The following PTGER3 variants were observed in gnomAD, a reference collection of about 807,000 sequenced individuals.
PTGER3 encodes prostaglandin E receptor 3.
Under a neutral mutation model 34.7 loss-of-function variants are expected in PTGER3, and 22 were observed. The observed-to-expected ratio is 0.63, with a 90% CI of 0.45 to 0.91. The LOEUF is 0.91. PTGER3 is among the 40% of genes least tolerant of loss of function. The probability of loss-of-function intolerance (pLI) is 0.00; values close to 1 mark genes in which losing one functional copy is unlikely to be tolerated. For synonymous variants in PTGER3, 241 were observed against 230.1 expected (o/e 1.05, Z -0.43); for missense variants, 468 against 519.4 (o/e 0.90, Z 0.96).
rs758250767 is a variant in PTGER3 at position 70,952,952 on chromosome 1, G to C, written c.1212C>G (p.Ser404Arg). 1 of 1,613,026 alleles carries C rather than the reference G, an allele frequency of 6.2e-7. No homozygotes were observed. Among genetic ancestry groups the C allele is most frequent in the Non-Finnish European group, 8.5e-7 (1 of 1,179,360 alleles). Residue 404 changes from serine (S) to arginine (R), a missense_variant, in exon 4 of 4, where the codon AGC becomes AGG. Transcript: ENST00000356595. ...AGATTCTGGTGTACACATTAATGCT[G>C]CTCACGAGTACCTCCATTTCTTCTC...
chr1:70,947,632 C>T (rs1305120069), downstream of PTGER3, among the ~76,000 whole-genome samples: 1 of 151,994 alleles, frequency 6.6e-6, no homozygotes, highest in Non-Finnish European at 1.5e-5. Flanking sequence ...AAAAATAATT[C>T]GAATTAACCT....
At position 71,021,216 on chromosome 1, in the gene PTGER3, G is replaced by A. The variant is rs563404322; in HGVS notation, c.898-8732C>T. Among the ~76,000 whole-genome samples, 3 of 152,050 alleles carry A rather than the reference G, an allele frequency of 2.0e-5. No homozygotes were observed. The South Asian group carries it at 6.2e-4, about 31-fold the overall frequency. On this transcript the variant is annotated intron_variant, in intron 1 of 3. Coordinates refer to ENST00000306666, the MANE Select transcript of PTGER3 (RefSeq NM_198719.2). ...AATGCAGAATCATTATTCAGTTACT[G>A]GATATGGAAAATCAAAATTATAAAG...
chr1:70,925,008 T>A (rs1192340674), intron 4 of PTGER3, among the ~76,000 whole-genome samples: 1 of 152,174 alleles, frequency 6.6e-6, no homozygotes, highest in East Asian at 1.9e-4. Context: ...AGTGTTAACA[T>A]GATTGGATTG....
chr1:71,015,381 T>C (rs1043132324), intron 1 of PTGER3, among the ~76,000 whole-genome samples: 7 of 152,244 alleles, frequency 4.6e-5, no homozygotes, highest in Non-Finnish European at 1.0e-4. Flanking sequence ...CCAAGGTTAC[T>C]GAACTTGACT....
intron 2 of PTGER3, among the ~76,000 whole-genome samples, chr1:70,977,105 T>G (rs1210570892): frequency 6.6e-6 from 1 of 152,174 alleles, no homozygotes; most frequent in Non-Finnish European, 1.5e-5. Flanking sequence ...GCTATTTAAC[T>G]GCGTATTTGG....
At chr1:71,041,029 T>C (rs1660268905) in intron 1 of PTGER3, among the ~76,000 whole-genome samples, 1 of 152,182 alleles carries the variant, frequency 6.6e-6, no homozygotes, top group South Asian at 2.1e-4. Flanking sequence ...CCATGTTGTA[T>C]GTATCTCAGT....
At chr1:70,914,299 T>C (rs1028058879) in intron 4 of PTGER3, among the ~76,000 whole-genome samples, 19 of 151,838 alleles carry the variant, frequency 1.3e-4, no homozygotes, top group Non-Finnish European at 8.8e-5. Flanking sequence ...AGTTGATATC[T>C]AGTCATGAAA....
intron 2 of PTGER3, among the ~76,000 whole-genome samples, chr1:70,960,362 A>G (rs181009452): frequency 6.6e-6 from 1 of 152,288 alleles, no homozygotes; most frequent in East Asian, 1.9e-4. Flanking sequence ...TTGAGTGGGA[A>G]TATTTGCATA....
At chr1:70,872,819 A>G (rs1280786537) in intron 4 of PTGER3, among the ~76,000 whole-genome samples, 1 of 152,226 alleles carries the variant, frequency 6.6e-6, no homozygotes, top group Non-Finnish European at 1.5e-5. Flanking sequence ...AAAGTTAGTT[A>G]TAGGGAGTGC....
chr1:70,873,500 G>A (rs1646206471), intron 4 of PTGER3, among the ~76,000 whole-genome samples: 1 of 152,124 alleles, frequency 6.6e-6, no homozygotes, highest in South Asian at 2.1e-4. Flanking sequence ...TGTGTACTCT[G>A]ACATTCTTAC....
At chr1:70,885,427 A>G (rs1646477797) in intron 4 of PTGER3, among the ~76,000 whole-genome samples, 2 of 152,204 alleles carry the variant, frequency 1.3e-5, no homozygotes, top group South Asian at 4.1e-4. Context: ...ATAATATACC[A>G]TTTCTGTTCC....
At chr1:70,948,865 C>T (rs1371077202), downstream of PTGER3, among the ~76,000 whole-genome samples, 1 of 152,160 alleles carries the variant, frequency 6.6e-6, no homozygotes, top group South Asian at 2.1e-4. Flanking sequence ...CAACCCTACT[C>T]TCTCTGTGGA....
chr1:70,966,334 C>T (rs1226527599), downstream of PTGER3, among the ~76,000 whole-genome samples: 1 of 152,102 alleles, frequency 6.6e-6, no homozygotes, highest in Non-Finnish European at 1.5e-5. Context: ...TCTCACAAAT[C>T]ACCACTAAAG....
At chr1:70,925,223 T>A (rs1647944204) in intron 4 of PTGER3, among the ~76,000 whole-genome samples, 1 of 152,328 alleles carries the variant, frequency 6.6e-6, no homozygotes, top group Admixed American at 6.5e-5. Flanking sequence ...CAGTCTGGTC[T>A]TGAACTCCTG....
rs570969389 is a variant in PTGER3 at position 71,000,522 on chromosome 1, C to A, written c.1077+11783G>T. Reference sequence around the variant, plus strand: ...CTTAACATCCTTTACTATTAAGAAGCTCATTTTAAAGCAGATGTGGTCAAA... The same window carrying A: ...CTTAACATCCTTTACTATTAAGAAGATCATTTTAAAGCAGATGTGGTCAAA... On this transcript the variant is annotated intron_variant, in intron 2 of 3. Coordinates refer to ENST00000306666, the MANE Select transcript of PTGER3 (RefSeq NM_198719.2). 3.9e-5 allele frequency among the ~76,000 whole-genome samples: 6 copies of A among 152,206 alleles called. No homozygotes were observed. The East Asian group carries it at 1.2e-3, about 29-fold the overall frequency.
At chr1:70,926,244 C>A (rs528361034) in intron 4 of PTGER3, among the ~76,000 whole-genome samples, 1 of 152,066 alleles carries the variant, frequency 6.6e-6, no homozygotes, top group East Asian at 1.9e-4. Flanking sequence ...GATGGGGATG[C>A]CATTGAATCT....
rs558262262 is a variant in PTGER3, at chr1:70,977,188, A to G, written c.1078-2800T>C. On this transcript the variant is annotated intron_variant, in intron 2 of 3. Transcript: ENST00000306666. ...AAATTATTTTCCTATGGCAATTCTG[A>G]AAGAAGATTGATGTGTAAATGGGCA... 2.0e-5 allele frequency among the ~76,000 whole-genome samples: 3 copies of G among 152,220 alleles called. No individual in the cohort carries two copies. The East Asian group carries it at 5.8e-4, about 29-fold the overall frequency.
intron 2 of PTGER3, among the ~76,000 whole-genome samples, chr1:71,005,219 C>A (rs1656842016): frequency 6.6e-6 from 1 of 152,124 alleles, no homozygotes; most frequent in African/African-American, 2.4e-5. Context: ...AGAAACCCTG[C>A]CCTAAAGCCA....
chr1:70,990,924 T>G (rs958981601), intron 2 of PTGER3, among the ~76,000 whole-genome samples: 9 of 152,338 alleles, frequency 5.9e-5, no homozygotes, highest in African/African-American at 1.9e-4. Flanking sequence ...TCACAAATAG[T>G]GAAGGTAACA....
Sources: gnomAD v4.1 joint callset for allele counts (sites outside exome capture counted in the v4.1 genomes callset) on GRCh38, gnomAD v4.1.1 for gene constraint, MANE v1.5 for transcripts, NCBI Gene and HGNC (gene_info 2026-07-23, HGNC 2026-07-21) for gene names.